Variants in NKAIN2 observed in about 807,000 individuals in gnomAD.
The protein encoded by NKAIN2 is sodium/potassium transporting ATPase interacting 2.
NKAIN2 carries 14 observed loss-of-function variants against 32.6 expected under a neutral mutation model. The ratio of observed to expected loss-of-function variants is 0.43; its 90% confidence interval spans 0.28 to 0.67. The LOEUF is 0.67. Ranked by LOEUF, NKAIN2 falls within the 30% of genes least tolerant of loss-of-function variation. The probability of loss-of-function intolerance (pLI) is 0.17; values close to 1 mark genes in which losing one functional copy is unlikely to be tolerated. For missense variants in NKAIN2, 198 were observed against 258.3 expected (o/e 0.77, Z 1.60); for synonymous variants, 80 against 87.2 (o/e 0.92, Z 0.46).
intron 1 of NKAIN2, among the ~76,000 whole-genome samples, chr6:124,134,804 A>G (rs981527412): frequency 2.0e-5 from 3 of 152,198 alleles, no homozygotes; most frequent in Non-Finnish European, 4.4e-5. Flanking sequence ...CTCCTGGGAA[A>G]TTAGTTGTGA....
At chr6:124,595,410 G>A (rs1340876066) in intron 3 of NKAIN2, among the ~76,000 whole-genome samples, 1 of 152,146 alleles carries the variant, frequency 6.6e-6, no homozygotes, top group Non-Finnish European at 1.5e-5. Context: ...TAACATTGCA[G>A]AACCTGACTT....
intron 3 of NKAIN2, among the ~76,000 whole-genome samples, chr6:124,431,074 TAGAG>T (rs1316375517): frequency 6.6e-6 from 1 of 152,186 alleles, no homozygotes; most frequent in Non-Finnish European, 1.5e-5. Context: ...TGCCTATTTT[TAGAG>T]AGACTAATTC....
intron 1 of NKAIN2, among the ~76,000 whole-genome samples, chr6:123,867,970 G>A (rs911934265): frequency 4.0e-5 from 6 of 150,656 alleles, no homozygotes; most frequent in Admixed American, 6.7e-5. Context: ...CCAGGTTCAT[G>A]CCATTCTCCT....
intron 3 of NKAIN2, among the ~76,000 whole-genome samples, chr6:124,511,722 G>A (rs767089313): frequency 3.9e-5 from 6 of 152,160 alleles, no homozygotes; most frequent in Non-Finnish European, 5.9e-5. Flanking sequence ...AGGCATTCAT[G>A]TTCCAGGTGG....
chr6:123,876,659 G>C (rs1773185532), intron 1 of NKAIN2, among the ~76,000 whole-genome samples: 1 of 152,146 alleles, frequency 6.6e-6, no homozygotes. Flanking sequence ...GCAGAAGACT[G>C]ATACTTTCAG....
chr6:124,741,449 G>T (rs142051651), intron 4 of NKAIN2, among the ~76,000 whole-genome samples: 1 of 151,966 alleles, frequency 6.6e-6, no homozygotes, highest in African/African-American at 2.4e-5. Context: ...CAGGATGTAT[G>T]AGTATTGAAG....
At chr6:124,267,497 A>AG (rs1298152949) in intron 1 of NKAIN2, among the ~76,000 whole-genome samples, 1 of 151,824 alleles carries the variant, frequency 6.6e-6, no homozygotes, top group African/African-American at 2.4e-5. Context: ...AAAAAAAAAA[A>AG]AAAAAGAGAA....
intron 4 of NKAIN2, among the ~76,000 whole-genome samples, chr6:124,710,313 T>C (rs1219696240): frequency 6.6e-6 from 1 of 152,164 alleles, no homozygotes; most frequent in Non-Finnish European, 1.5e-5. Context: ...TCTGTTGATT[T>C]GGGGTGGAGA....
At chr6:124,370,050 A>G (rs1471552320) in intron 3 of NKAIN2, among the ~76,000 whole-genome samples, 1 of 151,618 alleles carries the variant, frequency 6.6e-6, no homozygotes, top group Non-Finnish European at 1.5e-5. Flanking sequence ...ACTGTTTTTC[A>G]TGCCTTTCAT....
chr6:124,811,705 C>T (rs1780910419), intron 5 of NKAIN2, among the ~76,000 whole-genome samples: 1 of 152,064 alleles, frequency 6.6e-6, no homozygotes, highest in African/African-American at 2.4e-5. Context: ...AAAGAAAATG[C>T]ACTTGCAAAG....
At chr6:124,659,360 T>C (rs749485251) in intron 4 of NKAIN2, among the ~76,000 whole-genome samples, 3 of 152,092 alleles carry the variant, frequency 2.0e-5, no homozygotes, top group Non-Finnish European at 2.9e-5. Context: ...CAATAAATAA[T>C]AGTTTCTGGG....
intron 2 of NKAIN2, among the ~76,000 whole-genome samples, chr6:124,342,703 T>A (rs968191734): frequency 6.6e-6 from 1 of 151,650 alleles, no homozygotes; most frequent in Non-Finnish European, 1.5e-5. Flanking sequence ...GGGACGGGGT[T>A]TCATCCTATT....
chr6:124,446,184 C>A (rs528586274), intron 3 of NKAIN2, among the ~76,000 whole-genome samples: 36 of 152,028 alleles, frequency 2.4e-4, no homozygotes, highest in Non-Finnish European at 3.7e-4. Context: ...TGCTTTTGTT[C>A]CTCCATATTG....
chr6:124,538,363 G>A (rs945214384), intron 3 of NKAIN2, among the ~76,000 whole-genome samples: 2 of 151,884 alleles, frequency 1.3e-5, no homozygotes, highest in African/African-American at 4.8e-5. Context: ...CTTGGCAGTA[G>A]GAAAACATCT....
intron 2 of NKAIN2, among the ~76,000 whole-genome samples, chr6:124,333,364 A>C (rs1033504046): frequency 6.6e-6 from 1 of 152,144 alleles, no homozygotes; most frequent in African/African-American, 2.4e-5. Context: ...ATAGGGAATA[A>C]AAAATAAATG....
chr6:124,786,511 A>T (rs1304533403), intron 4 of NKAIN2, among the ~76,000 whole-genome samples: 1 of 152,110 alleles, frequency 6.6e-6, no homozygotes, highest in Non-Finnish European at 1.5e-5. Flanking sequence ...AATTTCTGGG[A>T]CATACAATCA....
At chr6:123,902,473 A>T (rs1994617) in intron 1 of NKAIN2, among the ~76,000 whole-genome samples, 49,297 of 151,990 alleles carry the variant, frequency 0.32, 10,880 homozygotes, top group African/African-American at 0.64. Context: ...TTGACATTAA[A>T]AGTTGCATGA....
chr6:123,856,731 T>C (rs1775568787), intron 1 of NKAIN2, among the ~76,000 whole-genome samples: 1 of 151,730 alleles, frequency 6.6e-6, no homozygotes, highest in African/African-American at 2.4e-5. Flanking sequence ...GATTTGGGGC[T>C]CCACCACAGC....
intron 1 of NKAIN2, among the ~76,000 whole-genome samples, chr6:124,222,486 G>A (rs991002624): frequency 6.6e-6 from 1 of 152,152 alleles, no homozygotes; most frequent in African/African-American, 2.4e-5. Context: ...GAGTAGTCAG[G>A]AAATGCCTAA....
Sources: gnomAD v4.1 joint callset for allele counts (sites outside exome capture counted in the v4.1 genomes callset) on GRCh38, gnomAD v4.1.1 for gene constraint, MANE v1.5 for transcripts, NCBI Gene and HGNC (gene_info 2026-07-23, HGNC 2026-07-21) for gene names.